The following KCNK18 variants were observed in gnomAD, a reference collection of about 807,000 sequenced individuals.
KCNK18 encodes potassium channel subfamily K member 18.
In KCNK18, 8 loss-of-function variants were observed where a neutral mutation model predicts 11.8. That is an observed-to-expected ratio of 0.68 (90% CI 0.40 to 1.22). The LOEUF (loss-of-function observed/expected upper bound fraction) is 1.22, where lower values mean the gene tolerates loss of function less well. Among genes scored for constraint, KCNK18 ranks in the 50% most tolerant of loss-of-function variants. The pLI, the probability that KCNK18 is intolerant of heterozygous loss-of-function variation, is 0.01. For synonymous variants in KCNK18, 208 were observed against 185.8 expected (o/e 1.12, Z -0.97); for missense variants, 442 against 465.4 (o/e 0.95, Z 0.46).
At position 117,210,123 on chromosome 10, in the gene KCNK18, G is replaced by A. The variant is rs758767008; in HGVS notation, c.979G>A (p.Gly327Arg). Residue 327 changes from glycine to arginine, a missense_variant, in exon 3 of 3, where the codon GGG becomes AGG. Transcript: ENST00000334549. ...TGTCACACTCACCACCATTGGGTTT[G>A]GGGATACTGTTTTAGAACACCCTAA... ...CFVTLTTIGF[G>R]DTVLEHPNFF... 6.2e-7 allele frequency: 1 copy of A among 1,614,158 alleles called. No homozygotes were observed. The highest frequency in any genetic ancestry group is 8.5e-7 in the Non-Finnish European group (1 of 1,180,038).
chr10:117,209,985 A>G lies in KCNK18; in HGVS notation c.841A>G (p.Ile281Val). The change falls in exon 3 of 3, where the codon ATC (isoleucine) becomes GTC (valine). Residue 281 changes from isoleucine (I) to valine (V), a missense_variant. Transcript: ENST00000334549. ...TGGACAGCAGGTGGAGAGGTTGGAC[A>G]TCCCCCTCCCCATCATTGCCCTTAT... is the stretch of plus-strand genomic sequence containing the variant. The part of the protein sequence containing the change: ...EVGQQVERLD[I>V]PLPIIALIVF... 1.9e-6 allele frequency: 3 copies of G among 1,613,792 alleles called. No individual in the cohort carries two copies. The highest frequency in any genetic ancestry group is 2.5e-6 in the Non-Finnish European group (3 of 1,179,656).
Position 117,209,777 on chromosome 10 carries a change from C to A in KCNK18, c.633C>A (p.Gly211=). Residue 211 remains glycine (G), a synonymous_variant, in exon 3 of 3, where the codon GGC becomes GGA. Transcript: ENST00000334549. ...TCATCAGTGCTGAAGAGCTTCCAGG[C>A]CCCAAACTTGGCACATGTCCTTCAC... The part of the protein sequence containing the change: ...QIIISAEELP[G]PKLGTCPSRP... 1.9e-6 allele frequency: 3 copies of A among 1,614,162 alleles called. No individual in the cohort carries two copies. Among genetic ancestry groups the A allele is most frequent in the Non-Finnish European group, 2.5e-6 (3 of 1,180,038 alleles).
At chr10:117,206,785 G>A (rs906879814) in intron 2 of KCNK18, among the ~76,000 whole-genome samples, 8 of 152,210 alleles carry the variant, frequency 5.3e-5, no homozygotes, top group Non-Finnish European at 1.0e-4. Flanking sequence ...CGAGCCCTGA[G>A]CTCCAAGCTT....
intron 2 of KCNK18, among the ~76,000 whole-genome samples, chr10:117,208,359 C>T (rs1408388639): frequency 2.0e-5 from 3 of 152,166 alleles, no homozygotes; most frequent in Non-Finnish European, 1.5e-5. Context: ...AGTTATTAAT[C>T]GCGCACTGTG....
At chr10:117,205,567 C>A (rs1855065316) in intron 2 of KCNK18, among the ~76,000 whole-genome samples, 1 of 152,164 alleles carries the variant, frequency 6.6e-6, no homozygotes, top group Admixed American at 6.5e-5. Flanking sequence ...GCACTCCAAT[C>A]CAAACCATCC....
chr10:117,198,361 T>G (rs572077155), intron 1 of KCNK18, among the ~76,000 whole-genome samples: 14 of 152,040 alleles, frequency 9.2e-5, no homozygotes, highest in Non-Finnish European at 1.8e-4. Flanking sequence ...AGGCAAAGCT[T>G]TGTTCTCTCT....
In KCNK18 at chr10:117,210,131, T is replaced by C; in HGVS notation, c.987T>C (p.Thr329=). ...TCACCACCATTGGGTTTGGGGATAC[T>C]GTTTTAGAACACCCTAACTTCTTCC... ...VTLTTIGFGD[T]VLEHPNFFLF... is the part of the protein sequence containing the mutation. Residue 329 remains threonine, a synonymous_variant, in exon 3 of 3, where the codon ACT becomes ACC. Coordinates refer to ENST00000334549, the MANE Select transcript of KCNK18 (RefSeq NM_181840.1). 6.2e-7 allele frequency: 1 copy of C among 1,614,264 alleles called. No homozygotes were observed.
chr10:117,204,948 C>T (rs977986607), intron 2 of KCNK18, among the ~76,000 whole-genome samples: 9 of 152,186 alleles, frequency 5.9e-5, no homozygotes, highest in African/African-American at 1.9e-4. Context: ...AATGCTACTG[C>T]CCATTGTACG....
chr10:117,205,704 A>G (rs1335257145), intron 2 of KCNK18, among the ~76,000 whole-genome samples: 2 of 152,160 alleles, frequency 1.3e-5, no homozygotes, highest in African/African-American at 4.8e-5. Flanking sequence ...TCCTGCGTCT[A>G]TCTGAAGCCC....
At chr10:117,202,886 CTTTTT>C (rs201850637) in intron 2 of KCNK18, among the ~76,000 whole-genome samples, 4 of 123,002 alleles carry the variant, frequency 3.3e-5, no homozygotes, top group African/African-American at 1.0e-4. Context: ...TGCCTGAATG[CTTTTT>C]TTTTTTTTTT....
At chr10:117,201,086 C>T (rs1855008756) in intron 1 of KCNK18, 73 bp from the exon 2 acceptor site, 2 of 1,581,846 alleles carry the variant, frequency 1.3e-6, no homozygotes, top group South Asian at 1.1e-5. Context: ...GAAGACTATC[C>T]CTTTCACTGG....
chr10:117,210,281 C>T lies in KCNK18; in HGVS notation c.1137C>T (p.Tyr379=), dbSNP rs749540178. 6.2e-7 allele frequency: 1 copy of T among 1,613,428 alleles called. No individual in the cohort carries two copies. Among genetic ancestry groups the T allele is most frequent in the African/African-American group, 1.3e-5 (1 of 75,048 alleles). Residue 379 remains tyrosine, a synonymous_variant, in exon 3 of 3, where the codon TAC becomes TAT. Transcript: ENST00000334549. ...VMLFFAKGKF[Y]HLVKK is the part of the protein sequence containing the mutation. ...TATTCTTTGCAAAAGGGAAGTTTTA[C>T]CACCTTGTTAAAAAGTGAAGGTTTC... is the stretch of plus-strand genomic sequence containing the variant.
Position 117,209,784 on chromosome 10 carries a change from C to G in KCNK18, c.640C>G (p.Leu214Val). 6.2e-7 allele frequency: 1 copy of G among 1,614,180 alleles called. No homozygotes were observed. Among genetic ancestry groups the G allele is most frequent in the South Asian group, 1.1e-5 (1 of 91,072 alleles). Residue 214 changes from leucine (L) to valine (V), a missense_variant, in exon 3 of 3, where the codon CTT (leucine) becomes GTT (valine). Leu to Val is a conservative substitution (Grantham distance 32). Coordinates refer to ENST00000334549, the MANE Select transcript of KCNK18 (RefSeq NM_181840.1). ...TGCTGAAGAGCTTCCAGGCCCCAAA[C>G]TTGGCACATGTCCTTCACGCCCAAG... The part of the protein sequence containing the change: ...ISAEELPGPK[L>V]GTCPSRPSCS...
chr10:117,203,427 G>A (rs1033947451), intron 2 of KCNK18, among the ~76,000 whole-genome samples: 1 of 152,180 alleles, frequency 6.6e-6, no homozygotes, highest in Non-Finnish European at 1.5e-5. Context: ...CTTTCCAGGG[G>A]AACCCACAGC....
At position 117,201,406 on chromosome 10, in the gene KCNK18, C is replaced by T. The variant is rs948159637; in HGVS notation, c.352+119C>T. The T allele has an allele frequency of 4.6e-6, 5 of 1,082,388 alleles. No homozygotes were observed. The African/African-American group carries it at 7.8e-5, about 17-fold the overall frequency. 67.0% of individuals were successfully genotyped at this position (1,082,388 alleles called of 1,614,324 possible). On this transcript the variant is annotated intron_variant, in intron 2 of 2. Transcript: ENST00000334549. ...CCTCCTCTCCCTCTCTTCTTCCCTCCCTTCCTCAAATCTATATTGCACACC... is the reference window on the plus strand; with the variant it reads ...CCTCCTCTCCCTCTCTTCTTCCCTCTCTTCCTCAAATCTATATTGCACACC...
chr10:117,198,288 G>A (rs1167726274), intron 1 of KCNK18, among the ~76,000 whole-genome samples: 1 of 152,100 alleles, frequency 6.6e-6, no homozygotes, highest in African/African-American at 2.4e-5. Context: ...AAGACCTGGG[G>A]GGAGGGGTGG....
At chr10:117,199,191 G>T (rs1854985611) in intron 1 of KCNK18, among the ~76,000 whole-genome samples, 1 of 152,192 alleles carries the variant, frequency 6.6e-6, no homozygotes, top group Admixed American at 6.5e-5. Flanking sequence ...GAGGTGGCGT[G>T]CACTTGTAGT....
At position 117,209,685 on chromosome 10, in the gene KCNK18, T is replaced by A. The variant is rs1564992617; in HGVS notation, c.541T>A (p.Cys181Ser). Residue 181 changes from cysteine (C) to serine (S), a missense_variant, in exon 3 of 3, where the codon TGC becomes AGC. By Grantham distance (112) the Cys-to-Ser change is moderately radical. Coordinates refer to ENST00000334549, the MANE Select transcript of KCNK18 (RefSeq NM_181840.1). ...FFTRPLLSKW[C>S]PKSLFKKKPD... ...TACCCGCCCCCTCCTCTCCAAGTGG[T>A]GCCCCAAATCTCTCTTCAAGAAAAA... 1 of 1,614,008 alleles carries A rather than the reference T, an allele frequency of 6.2e-7. No homozygotes were observed. Among genetic ancestry groups the A allele is most frequent in the East Asian group, 2.2e-5 (1 of 44,878 alleles).
Position 117,209,591 on chromosome 10 carries a change from G to C in KCNK18, c.447G>C (p.Thr149=), listed in dbSNP as rs772930363. The C allele has an allele frequency of 3.1e-6, 5 of 1,614,058 alleles. No homozygotes were observed. Among genetic ancestry groups the C allele is most frequent in the Non-Finnish European group, 4.2e-6 (5 of 1,180,028 alleles). The change falls in exon 3 of 3, where the codon ACG becomes ACC. Residue 149 remains threonine (T), a synonymous_variant. Transcript: ENST00000334549. ...TCCCCCTGATGTTCCTCGTTCTCACGGACACAGGCGACATCCTGGCAACCA... is the reference window on the plus strand; with the variant it reads ...TCCCCCTGATGTTCCTCGTTCTCACCGACACAGGCGACATCCTGGCAACCA... The part of the protein sequence containing the change: ...FGIPLMFLVL[T]DTGDILATIL...
Sources: gnomAD v4.1 joint callset for allele counts (sites outside exome capture counted in the v4.1 genomes callset) on GRCh38, gnomAD v4.1.1 for gene constraint, MANE v1.5 for transcripts, NCBI Gene and HGNC (gene_info 2026-07-23, HGNC 2026-07-21) for gene names.